The following KANSL1L variants were observed in gnomAD, a reference collection of about 807,000 sequenced individuals.
The protein encoded by KANSL1L is KAT8 regulatory NSL complex subunit 1 like, also known as KAT8 regulatory NSL complex subunit 1-like protein.
KANSL1L carries 25 observed loss-of-function variants against 108.6 expected under a neutral mutation model. The observed-to-expected ratio is 0.23, with a 90% confidence interval of 0.17 to 0.32. The LOEUF is 0.32. KANSL1L is among the 10% of genes least tolerant of loss of function. The probability of loss-of-function intolerance (pLI) is 1.00; values close to 1 mark genes in which losing one functional copy is unlikely to be tolerated. For missense variants in KANSL1L, 1,137 were observed against 1,125.7 expected (o/e 1.01, Z -0.14); for synonymous variants, 405 against 395.1 (o/e 1.03, Z -0.30).
At position 210,153,488 on chromosome 2, in the gene KANSL1L, C is replaced by T. The variant is rs2095316049; in HGVS notation, c.1088+7G>A. 1.9e-6 allele frequency: 3 copies of T among 1,611,508 alleles called. No individual in the cohort carries two copies. Among genetic ancestry groups the T allele is most frequent in the Non-Finnish European group, 2.5e-6 (3 of 1,178,440 alleles). On this transcript the variant is annotated splice_region_variant and intron_variant, in intron 2 of 14. Coordinates refer to ENST00000281772, the MANE Select transcript of KANSL1L (RefSeq NM_152519.4). ...AGAAAATAGTCTAATAATAATTTTGCACTTACACTGCCACATTTTTTCTAA... is the reference window on the plus strand; with the variant it reads ...AGAAAATAGTCTAATAATAATTTTGTACTTACACTGCCACATTTTTTCTAA...
intron 5 of KANSL1L, among the ~76,000 whole-genome samples, chr2:210,077,925 T>C (rs758774559): frequency 7.9e-5 from 12 of 152,326 alleles, no homozygotes; most frequent in Non-Finnish European, 1.6e-4. Context: ...TTTGTGTCAC[T>C]AAATGTTATA....
chr2:210,078,477 A>T (rs1350149321), intron 5 of KANSL1L, among the ~76,000 whole-genome samples: 1 of 152,240 alleles, frequency 6.6e-6, no homozygotes, highest in Non-Finnish European at 1.5e-5. Flanking sequence ...GCAAAGTATC[A>T]TCAACATCTA....
chr2:210,094,778 A>T (rs754047397), intron 5 of KANSL1L, among the ~76,000 whole-genome samples: 1 of 152,022 alleles, frequency 6.6e-6, no homozygotes, highest in African/African-American at 2.4e-5. Context: ...TAGTTTTATA[A>T]GCATTAATTA....
chr2:210,089,080 T>G (rs2094667431), intron 5 of KANSL1L: 1 of 153,796 alleles, frequency 6.5e-6, no homozygotes, highest in Admixed American at 6.5e-5. Context: ...TTAAGCAGAA[T>G]CTCATTAAAT....
intron 3 of KANSL1L, among the ~76,000 whole-genome samples, chr2:210,122,510 A>G (rs1341642763): frequency 1.3e-5 from 2 of 152,180 alleles, no homozygotes; most frequent in African/African-American, 2.4e-5. Flanking sequence ...ATTTCTTGCC[A>G]TATACAAAAA....
At chr2:210,118,432 G>A (rs1383098980) in intron 3 of KANSL1L, among the ~76,000 whole-genome samples, 1 of 137,668 alleles carries the variant, frequency 7.3e-6, no homozygotes, top group African/African-American at 2.8e-5. Context: ...TCGCACCATT[G>A]CACTCCAGCC....
At chr2:210,127,814 A>AG (rs2095081757) in intron 3 of KANSL1L, among the ~76,000 whole-genome samples, 1 of 149,952 alleles carries the variant, frequency 6.7e-6, no homozygotes, top group Admixed American at 6.6e-5. Flanking sequence ...AAAAAAAAAA[A>AG]AAAAAAAGCA....
At chr2:210,074,294 A>G (rs906787103) in intron 6 of KANSL1L, among the ~76,000 whole-genome samples, 2 of 152,062 alleles carry the variant, frequency 1.3e-5, no homozygotes, top group Admixed American at 1.3e-4. Context: ...TTCAAAACCC[A>G]TCTTTTCTAT....
intron 6 of KANSL1L, among the ~76,000 whole-genome samples, chr2:210,064,817 C>CAAA (rs1168784210): frequency 1.1e-3 from 45 of 41,920 alleles, no homozygotes; most frequent in African/African-American, 1.2e-3. Flanking sequence ...CCTCCCCCAC[C>CAAA]AAAAAAAAAA....
chr2:210,027,215 C>T, intron 12 of KANSL1L, 81 bp downstream of exon 12: 1 of 914,890 alleles, frequency 1.1e-6, no homozygotes, highest in East Asian at 2.4e-5. Context: ...TTATATATTC[C>T]TTTAGTTCCC....
At position 210,024,040 on chromosome 2, in the gene KANSL1L, T is replaced by G. The variant is rs2093899753; in HGVS notation, c.2726A>C (p.Glu909Ala). ...CATACATATTACACTTACCTTGGTT[T>G]CTTGACTTTGATTTAAAGAAGGTAA... ...YGLPSLNQSQ[E>A]TKSLWWERRA... The change falls in exon 14 of 15, where the codon GAA (glutamate) becomes GCA (alanine). Residue 909 changes from glutamate to alanine, a missense_variant. This residue lies in a region of KANSL1L where 575 missense variants were observed against 567.1 expected (regional missense o/e 1.01). Coordinates refer to ENST00000281772, the MANE Select transcript of KANSL1L (RefSeq NM_152519.4). The G allele has an allele frequency of 6.4e-7, 1 of 1,568,808 alleles. No individual in the cohort carries two copies. The highest frequency in any genetic ancestry group is 1.4e-5 in the African/African-American group (1 of 72,758).
intron 8 of KANSL1L, among the ~76,000 whole-genome samples, chr2:210,038,651 T>A (rs2094133620): frequency 6.6e-6 from 1 of 152,024 alleles, no homozygotes; most frequent in Non-Finnish European, 1.5e-5. Context: ...TATTTTAATG[T>A]TCATCCACCT....
At position 210,154,712 on chromosome 2, in the gene KANSL1L, G is replaced by C. The variant is rs545439472; in HGVS notation, c.-29-101C>G. 88 of 601,826 alleles carry C rather than the reference G, an allele frequency of 1.5e-4. No individual in the cohort carries two copies. In the African/African-American group the frequency reaches 1.6e-3, roughly 11 times the overall value. 37.3% of individuals were successfully genotyped at this position (601,826 alleles called of 1,614,324 possible). ...TGTTCAATGTTTCTGATTAGAACAT[G>C]AAGGAACAAAACTCCTCCTTCATCT... On this transcript the variant is annotated intron_variant, in intron 1 of 14. Coordinates refer to ENST00000281772, the MANE Select transcript of KANSL1L (RefSeq NM_152519.4).
chr2:210,144,846 TATC>T (rs1205469067), intron 2 of KANSL1L, among the ~76,000 whole-genome samples: 1 of 152,222 alleles, frequency 6.6e-6, no homozygotes, highest in Non-Finnish European at 1.5e-5. Context: ...CCTGGAAAAG[TATC>T]ATGTTCTTTG....
chr2:210,040,678 G>T, intron 7 of KANSL1L, 151 bp from the exon 8 acceptor site: 1 of 482,164 alleles, frequency 2.1e-6, no homozygotes. Context: ...ACTATCGGAA[G>T]TGACAAAATA....
intron 6 of KANSL1L, among the ~76,000 whole-genome samples, chr2:210,069,462 T>C (rs2094490849): frequency 6.6e-6 from 1 of 152,226 alleles, no homozygotes; most frequent in African/African-American, 2.4e-5. Flanking sequence ...CAAAGCCACT[T>C]CCACCATTAA....
In KANSL1L at chr2:210,064,985, T is replaced by C. The variant is rs79750581; in HGVS notation, c.1755+10567A>G. 1.7e-3 allele frequency among the ~76,000 whole-genome samples: 257 copies of C among 152,040 alleles called. 2 individuals are homozygous for C. The highest frequency in any genetic ancestry group is 6.0e-3 in the African/African-American group (251 of 41,496). ...TCATTTAATTGCCTATGATAAAGTA[T>C]GGATGGTGTAGGATGATCTTAAAAA... is the stretch of plus-strand genomic sequence containing the variant. On this transcript the variant is annotated intron_variant, in intron 6 of 14. Coordinates refer to ENST00000281772, the MANE Select transcript of KANSL1L (RefSeq NM_152519.4).
intron 2 of KANSL1L, among the ~76,000 whole-genome samples, chr2:210,134,797 G>T (rs2095159262): frequency 6.6e-6 from 1 of 152,100 alleles, no homozygotes; most frequent in South Asian, 2.1e-4. Flanking sequence ...CATTTCGGAG[G>T]GAACTCGACT....
intron 5 of KANSL1L, among the ~76,000 whole-genome samples, chr2:210,078,532 G>A (rs1273433906): frequency 6.6e-6 from 1 of 152,154 alleles, no homozygotes; most frequent in Non-Finnish European, 1.5e-5. Context: ...TGTGAGATAT[G>A]TTTATTTCAC....
Sources: gnomAD v4.1 joint callset for allele counts (sites outside exome capture counted in the v4.1 genomes callset) on GRCh38, gnomAD v4.1.1 for gene constraint, gnomAD v4.1.1 regional missense constraint, MANE v1.5 for transcripts, NCBI Gene and HGNC (gene_info 2026-07-23, HGNC 2026-07-21) for gene names.